GPI: variants seen among roughly 807,000 people sequenced by gnomAD.
GPI encodes D-hexose-6-phosphate anomerase.
A neutral mutation model predicts 75.8 loss-of-function variants in GPI; 56 were observed. The ratio of observed to expected loss-of-function variants is 0.74; its 90% CI spans 0.60 to 0.92. The LOEUF (loss-of-function observed/expected upper bound fraction) is 0.92. Ranked by LOEUF, GPI falls within the 40% of genes least tolerant of loss-of-function variation. The probability of loss-of-function intolerance (pLI) is 0.00; values close to 1 mark genes in which losing one functional copy is unlikely to be tolerated. For missense variants in GPI, 638 were observed against 741.0 expected, an observed-to-expected ratio of 0.86 and a Z score of 1.61; for synonymous variants, 288 against 285.4, an observed-to-expected ratio of 1.01 and a Z score of -0.09.
chr19:34,364,896 A>T, upstream of GPI: 1 of 1,312,436 alleles, frequency 7.6e-7, no homozygotes. Flanking sequence ...GTGCACAGGG[A>T]GTGCAGCGGC....
At chr19:34,367,672 G>C (rs1227909070) in intron 3 of GPI, among the ~76,000 whole-genome samples, 2 of 152,168 alleles carry the variant, frequency 1.3e-5, no homozygotes, top group Non-Finnish European at 2.9e-5. Context: ...CTCCTCTGCT[G>C]ACTTCAGGCC....
Position 34,396,317 on chromosome 19 carries a change from A to G in GPI, c.1079A>G (p.Asn360Ser), listed in dbSNP as rs775051229. 1.1e-5 allele frequency: 18 copies of G among 1,614,036 alleles called. No homozygotes were observed. The highest frequency in any genetic ancestry group is 6.7e-5 in the Admixed American group (4 of 60,010). Residue 360 changes from asparagine (N) to serine (S), a missense_variant, in exon 13 of 18, where the codon AAT becomes AGT. Transcript: ENST00000356487. ...AYFQQGDMES[N>S]GKYITKSGTR... ...CTTTTCCAGGGCGACATGGAGTCCAATGGGAAATACATCACCAAATCTGGA... is the reference window on the plus strand; with the variant it reads ...CTTTTCCAGGGCGACATGGAGTCCAGTGGGAAATACATCACCAAATCTGGA...
In GPI at chr19:34,399,303, C is replaced by T. The variant is rs139853344; in HGVS notation, c.1366C>T (p.Pro456Ser). ...RKELQAAGKS[P>S]EDLERLLPHK... ...GGAGCTCCAGGCTGCGGGCAAGAGTCCAGAGGACCTTGAGAGGCTGCTGCC... is the reference window on the plus strand; with the variant it reads ...GGAGCTCCAGGCTGCGGGCAAGAGTTCAGAGGACCTTGAGAGGCTGCTGCC... The change falls in exon 15 of 18, where the codon CCA (proline) becomes TCA (serine). Residue 456 changes from proline to serine, a missense_variant. Transcript: ENST00000356487. 6.2e-7 allele frequency: 1 copy of T among 1,614,090 alleles called. No homozygotes were observed. The highest frequency in any genetic ancestry group is 1.7e-5 in the Admixed American group (1 of 60,020).
intron 9 of GPI, 87 bp downstream of exon 9, chr19:34,381,606 TTTA>T: frequency 1.1e-6 from 1 of 911,250 alleles, no homozygotes; most frequent in African/African-American, 1.6e-5. Context: ...CAGGTCAGTG[TTTA>T]TTGAGTACCT....
chr19:34,374,500 C>T (rs1372583808), intron 4 of GPI, among the ~76,000 whole-genome samples: 1 of 152,128 alleles, frequency 6.6e-6, no homozygotes, highest in Non-Finnish European at 1.5e-5. Flanking sequence ...AGTCCATATT[C>T]TGTTACAGTA....
chr19:34,368,863 T>A, intron 4 of GPI, 161 bp downstream of exon 4: 1 of 791,678 alleles, frequency 1.3e-6, no homozygotes, highest in South Asian at 1.5e-5. Flanking sequence ...GACCCTGGAG[T>A]CTCTGCTGAG....
At chr19:34,383,077 G>A (rs1342607147) in intron 9 of GPI, among the ~76,000 whole-genome samples, 2 of 152,210 alleles carry the variant, frequency 1.3e-5, no homozygotes, top group Non-Finnish European at 2.9e-5. Context: ...CCGTCTGGTA[G>A]GGGTATGTAG....
At chr19:34,362,259 G>A (rs1441479836), upstream of GPI, among the ~76,000 whole-genome samples, 1 of 152,056 alleles carries the variant, frequency 6.6e-6, no homozygotes, top group Non-Finnish European at 1.5e-5. Flanking sequence ...AGCCAACATC[G>A]TGCCATTGCA....
chr19:34,369,755 G>A (rs1341860086), intron 4 of GPI, among the ~76,000 whole-genome samples: 1 of 150,816 alleles, frequency 6.6e-6, no homozygotes, highest in Non-Finnish European at 1.5e-5. Context: ...CCCTCCAGAA[G>A]CAGCCTTTGT....
rs769028462 is a variant in GPI at position 34,393,889 on chromosome 19, C to G, written c.910-25C>G. 6.2e-7 allele frequency: 1 copy of G among 1,613,156 alleles called. No individual in the cohort carries two copies. The highest frequency in any genetic ancestry group is 1.7e-5 in the Admixed American group (1 of 60,010). The stretch of plus-strand genomic sequence containing the variant: ...CCCCTCCCCGTGCAGCTGCTCAGCT[C>G]CCACTCATCCTGCTCCTGTTTCAGG... On this transcript the variant is annotated intron_variant, in intron 11 of 17. Coordinates refer to ENST00000356487, the MANE Select transcript of GPI (RefSeq NM_000175.5). This position sits in a 1 kb window ranked among gnomAD's most constrained non-coding sequence, Gnocchi z 4.4.
intron 14 of GPI, among the ~76,000 whole-genome samples, chr19:34,396,938 G>A (rs1337851694): frequency 6.6e-6 from 1 of 152,162 alleles, no homozygotes; most frequent in Non-Finnish European, 1.5e-5. Flanking sequence ...AGCCTCCCAA[G>A]TAGCTGGGAC....
At chr19:34,384,677 A>AG (rs1417911207) in intron 9 of GPI, among the ~76,000 whole-genome samples, 1 of 152,164 alleles carries the variant, frequency 6.6e-6, no homozygotes, top group Non-Finnish European at 1.5e-5. Context: ...GGATAGAGCC[A>AG]GGTCTCTCAG....
chr19:34,374,781 G>C (rs1186843744), intron 4 of GPI, among the ~76,000 whole-genome samples: 1 of 149,752 alleles, frequency 6.7e-6, no homozygotes, highest in Non-Finnish European at 1.5e-5. Flanking sequence ...CCAGGCTGGA[G>C]TGCAGTGGTG....
At chr19:34,381,742 T>C (rs1417919908) in intron 9 of GPI, 17 of 621,124 alleles carry the variant, frequency 2.7e-5, no homozygotes, top group Non-Finnish European at 2.3e-5. Flanking sequence ...CAGGGCCACA[T>C]GACACTCCCT....
intron 9 of GPI, among the ~76,000 whole-genome samples, chr19:34,390,497 TG>T (rs919584959): frequency 3.3e-5 from 5 of 150,900 alleles, no homozygotes; most frequent in African/African-American, 1.2e-4. Context: ...TCCAAGGAGG[TG>T]GGCTAAGTAC....
intron 13 of GPI, 44 bp from the exon 14 acceptor site, chr19:34,396,537 C>T (rs1443394002): frequency 6.2e-7 from 1 of 1,611,282 alleles, no homozygotes; most frequent in African/African-American, 1.3e-5. Flanking sequence ...ATGGCTAGCT[C>T]CCATGGGCTG....
chr19:34,382,405 AATG>A (rs2145378536), intron 9 of GPI, among the ~76,000 whole-genome samples: 2 of 152,226 alleles, frequency 1.3e-5, no homozygotes, highest in Non-Finnish European at 2.9e-5. Context: ...TCTGGGAGAG[AATG>A]AAGCCCTAAT....
chr19:34,370,113 A>G (rs367885953), intron 4 of GPI, among the ~76,000 whole-genome samples: 47 of 152,322 alleles, frequency 3.1e-4, no homozygotes, highest in African/African-American at 1.1e-3. Context: ...TGTCAGTGAC[A>G]GTGCATGTAA....
intron 1 of GPI, chr19:34,365,652 C>T (rs1319383695): frequency 1.6e-6 from 1 of 635,494 alleles, no homozygotes; most frequent in South Asian, 1.5e-5. Flanking sequence ...GGGGACATTT[C>T]CCCTCCTCCT....
Sources: gnomAD v4.1 joint callset for allele counts (sites outside exome capture counted in the v4.1 genomes callset) on GRCh38, gnomAD v4.1.1 for gene constraint, Gnocchi (gnomAD v3.1) non-coding constraint, MANE v1.5 for transcripts, NCBI Gene and HGNC (gene_info 2026-07-23, HGNC 2026-07-21) for gene names.